TRPM6: variants seen among roughly 807,000 people sequenced by gnomAD.
The protein encoded by TRPM6 is channel kinase 2.
In TRPM6, 111 loss-of-function variants were observed where a neutral mutation model predicts 247.6. The observed-to-expected ratio is 0.45, with a 90% CI of 0.38 to 0.52. The LOEUF is 0.52. Among genes scored for constraint, TRPM6 ranks in the 20% least tolerant of loss-of-function variants. The pLI is 0.00. For missense variants in TRPM6, 2,126 were observed against 2,421.5 expected (o/e 0.88, Z 2.56); for synonymous variants, 892 against 853.8 (o/e 1.04, Z -0.78).
intron 30 of TRPM6, 124 bp downstream of exon 30, chr9:74,750,540 A>G: frequency 1.1e-6 from 1 of 884,862 alleles, no homozygotes; most frequent in Non-Finnish European, 1.9e-6. Context: ...ACAAGAGAAA[A>G]GTATTGTCAT....
chr9:74,771,922 A>C (rs898711017), intron 24 of TRPM6, 87 bp from the exon 25 acceptor site: 1 of 1,245,460 alleles, frequency 8.0e-7, no homozygotes, highest in Non-Finnish European at 1.2e-6. Context: ...TGAAAATGAG[A>C]AACTATAGCC....
At chr9:74,808,889 T>A (rs1828629785) in intron 13 of TRPM6, among the ~76,000 whole-genome samples, 1 of 152,242 alleles carries the variant, frequency 6.6e-6, no homozygotes, top group African/African-American at 2.4e-5. Context: ...GTATAGTGTT[T>A]TCTATATTTC....
intron 13 of TRPM6, 129 bp downstream of exon 13, chr9:74,810,686 A>C: frequency 1.2e-6 from 1 of 804,076 alleles, no homozygotes; most frequent in South Asian, 1.4e-5. Context: ...GTTCAAATCA[A>C]GGTAAAGAAG....
chr9:74,766,303 T>C (rs895324571), intron 25 of TRPM6, among the ~76,000 whole-genome samples: 1 of 152,266 alleles, frequency 6.6e-6, no homozygotes, highest in African/African-American at 2.4e-5. Context: ...TTTAATTATA[T>C]TGCTGGACCA....
chr9:74,816,448 G>C (rs7038344), intron 11 of TRPM6, among the ~76,000 whole-genome samples: 25 of 142,824 alleles, frequency 1.8e-4, no homozygotes, highest in Non-Finnish European at 3.4e-4. Context: ...TCAGCTTCAG[G>C]TAGATTGCAG....
chr9:74,776,402 A>C (rs1481378404), intron 23 of TRPM6, among the ~76,000 whole-genome samples: 1 of 152,124 alleles, frequency 6.6e-6, no homozygotes, highest in Non-Finnish European at 1.5e-5. Flanking sequence ...TTCTCACATA[A>C]GAAGCTCTTT....
At chr9:74,877,388 C>T (rs1246013124) in intron 1 of TRPM6, among the ~76,000 whole-genome samples, 1 of 152,198 alleles carries the variant, frequency 6.6e-6, no homozygotes, top group Non-Finnish European at 1.5e-5. Context: ...ACCTGGACTC[C>T]AGTGGGCCCT....
In TRPM6 at chr9:74,842,195, G is replaced by T; in HGVS notation, c.301C>A (p.Gln101Lys). 1 of 1,613,684 alleles carries T rather than the reference G, an allele frequency of 6.2e-7. No individual in the cohort carries two copies. The highest frequency in any genetic ancestry group is 8.5e-7 in the Non-Finnish European group (1 of 1,179,968). Reference protein sequence around the residue: ...PTDTFGTINFQDGEHTHHAKY... With the variant: ...PTDTFGTINFKDGEHTHHAKY... The stretch of plus-strand genomic sequence containing the variant: ...GCATGATGGGTGTGCTCTCCATCTT[G>T]GAAATTAATCGTGCCAAAAGTATCT... Residue 101 changes from glutamine (Q) to lysine (K), a missense_variant, in exon 4 of 39, where the codon CAA becomes AAA. This residue lies in a region of TRPM6 where 1,082 missense variants were observed against 1,307.9 expected (regional missense o/e 0.83). Transcript: ENST00000360774.
intron 1 of TRPM6, among the ~76,000 whole-genome samples, chr9:74,874,246 A>C (rs10781251): frequency 3.4e-3 from 389 of 114,992 alleles, no homozygotes; most frequent in African/African-American, 8.5e-3. Flanking sequence ...AAAAACAAAA[A>C]AAAAAAAAAA....
intron 3 of TRPM6, among the ~76,000 whole-genome samples, chr9:74,850,397 G>A (rs114942902): frequency 0.025 from 3,822 of 151,178 alleles, 147 homozygotes; most frequent in African/African-American, 0.085. Flanking sequence ...CAGAACAAGC[G>A]CAGGTGATGA....
At chr9:74,878,442 C>T (rs950213324) in intron 1 of TRPM6, among the ~76,000 whole-genome samples, 7 of 152,196 alleles carry the variant, frequency 4.6e-5, no homozygotes, top group African/African-American at 9.7e-5. Flanking sequence ...ATGTCCCCAT[C>T]CCCAGCAAAA....
In TRPM6 at chr9:74,843,789, T is replaced by C. The variant is rs569582347; in HGVS notation, c.153-1446A>G. Among the ~76,000 whole-genome samples, 7 of 133,790 alleles carry C rather than the reference T, an allele frequency of 5.2e-5. No homozygotes were observed. The Admixed American group carries it at 6.0e-4, about 12-fold the overall frequency. 87.8% of individuals were successfully genotyped at this position (133,790 alleles called of 152,430 possible). ...GAGATAGTGCCACTGCACTTCAGCC[T>C]GGGCGACAAAGCAAGACTCCATCTC... On this transcript the variant is annotated intron_variant, in intron 3 of 38. Transcript: ENST00000360774.
intron 37 of TRPM6, among the ~76,000 whole-genome samples, chr9:74,730,782 C>T (rs746026165): frequency 2.0e-5 from 3 of 152,154 alleles, no homozygotes; most frequent in Non-Finnish European, 2.9e-5. Context: ...ACTAATCAGA[C>T]GTAATTCCCC....
At chr9:74,887,505 T>A in intron 1 of TRPM6, 1 of 1,143,770 alleles carries the variant, frequency 8.7e-7, no homozygotes. Flanking sequence ...CCGGGGTGTT[T>A]CCCACCGCCC....
chr9:74,781,509 C>T (rs1827447372), intron 23 of TRPM6, among the ~76,000 whole-genome samples: 3 of 126,880 alleles, frequency 2.4e-5, no homozygotes, highest in South Asian at 5.3e-4. Flanking sequence ...TGCACTCCAG[C>T]CTGGGTAACA....
chr9:74,753,263 T>G (rs559974337), intron 28 of TRPM6, among the ~76,000 whole-genome samples: 3 of 152,226 alleles, frequency 2.0e-5, no homozygotes, highest in Admixed American at 2.0e-4. Flanking sequence ...ATAATAAATA[T>G]TTAGTGAATA....
At chr9:74,855,662 G>A in intron 2 of TRPM6, 97 bp from the exon 3 acceptor site, 1 of 867,550 alleles carries the variant, frequency 1.2e-6, no homozygotes, top group Non-Finnish European at 2.0e-6. Flanking sequence ...CCATGATCTA[G>A]AAATCAAGGT....
chr9:74,799,466 G>T (rs1828225120), intron 17 of TRPM6, among the ~76,000 whole-genome samples: 1 of 151,854 alleles, frequency 6.6e-6, no homozygotes, highest in South Asian at 2.1e-4. Context: ...AGAAATTTGA[G>T]ATGGTTAGTC....
chr9:74,844,014 T>C (rs1830026800), intron 3 of TRPM6, among the ~76,000 whole-genome samples: 1 of 152,074 alleles, frequency 6.6e-6, no homozygotes, highest in Non-Finnish European at 1.5e-5. Flanking sequence ...TTTAAAGCAG[T>C]AGATCTCAAC....
Sources: gnomAD v4.1 joint callset for allele counts (sites outside exome capture counted in the v4.1 genomes callset) on GRCh38, gnomAD v4.1.1 for gene constraint, gnomAD v4.1.1 regional missense constraint, MANE v1.5 for transcripts, NCBI Gene and HGNC (gene_info 2026-07-23, HGNC 2026-07-21) for gene names.